Variants in FGF12 observed in about 807,000 individuals in gnomAD.
The protein encoded by FGF12 is fibroblast growth factor 12.
A neutral mutation model predicts 23.6 loss-of-function variants in FGF12; 14 were observed. That is an observed-to-expected ratio of 0.59 (90% CI 0.39 to 0.93). FGF12 has a LOEUF of 0.93. Among genes scored for constraint, FGF12 ranks in the 40% least tolerant of loss-of-function variants. The probability of loss-of-function intolerance (pLI) is 0.00; values close to 1 mark genes in which losing one functional copy is unlikely to be tolerated. For missense variants in FGF12, 175 were observed against 217.8 expected (o/e 0.80, Z 1.24); for synonymous variants, 62 against 77.3 (o/e 0.80, Z 1.04).
chr3:192,641,686 G>A (rs548744362), intron 2 of FGF12, among the ~76,000 whole-genome samples: 168 of 152,260 alleles, frequency 1.1e-3, no homozygotes, highest in Admixed American at 3.1e-3. Flanking sequence ...GATTACAGGC[G>A]TGAGCCACAG....
At chr3:192,484,872 T>C (rs1331632680) in intron 2 of FGF12, among the ~76,000 whole-genome samples, 1 of 152,220 alleles carries the variant, frequency 6.6e-6, no homozygotes, top group Non-Finnish European at 1.5e-5. Flanking sequence ...AAGACAACAA[T>C]GCATTTTCTA....
chr3:192,403,297 T>C (rs1560100937), intron 2 of FGF12, among the ~76,000 whole-genome samples: 1 of 152,240 alleles, frequency 6.6e-6, no homozygotes, highest in African/African-American at 2.4e-5. Flanking sequence ...ATTGTTTTTC[T>C]ACTTCTGTTC....
intron 4 of FGF12, among the ~76,000 whole-genome samples, chr3:192,202,352 T>C (rs1244088433): frequency 6.6e-6 from 1 of 152,208 alleles, no homozygotes; most frequent in Non-Finnish European, 1.5e-5. Context: ...ATGAGTACTT[T>C]GTCTACATGA....
At chr3:192,405,499 T>A (rs1210908667) in intron 2 of FGF12, among the ~76,000 whole-genome samples, 3 of 151,108 alleles carry the variant, frequency 2.0e-5, no homozygotes, top group Non-Finnish European at 4.4e-5. Flanking sequence ...AAATTCAGAG[T>A]GGAAATTCTT....
intron 4 of FGF12, among the ~76,000 whole-genome samples, chr3:192,263,270 T>C (rs949816376): frequency 2.8e-4 from 43 of 152,106 alleles, no homozygotes; most frequent in Non-Finnish European, 4.1e-4. Context: ...AACAATTATT[T>C]AGTATCAAGG....
At chr3:192,542,020 T>G (rs960482315) in intron 2 of FGF12, among the ~76,000 whole-genome samples, 4 of 147,460 alleles carry the variant, frequency 2.7e-5, no homozygotes, top group Non-Finnish European at 4.5e-5. Context: ...CACATCACCA[T>G]GCCTGGCATT....
intron 4 of FGF12, among the ~76,000 whole-genome samples, chr3:192,217,287 G>A (rs767758555): frequency 6.6e-6 from 1 of 152,168 alleles, no homozygotes; most frequent in Admixed American, 6.5e-5. Context: ...CTATATGAGC[G>A]TCTGCTGTTG....
intron 2 of FGF12, among the ~76,000 whole-genome samples, chr3:192,571,203 G>C (rs1712619614): frequency 6.6e-6 from 1 of 152,200 alleles, no homozygotes; most frequent in African/African-American, 2.4e-5. Flanking sequence ...TTTTCTCCTG[G>C]AAAGGCAACA....
chr3:192,633,988 C>A (rs1715490541), intron 2 of FGF12, among the ~76,000 whole-genome samples: 3 of 152,166 alleles, frequency 2.0e-5, no homozygotes, highest in Admixed American at 6.5e-5. Flanking sequence ...TCTGCATGCT[C>A]AAAATCCATT....
intron 2 of FGF12, among the ~76,000 whole-genome samples, chr3:192,642,354 C>T (rs1577094681): frequency 6.6e-6 from 1 of 152,134 alleles, no homozygotes; most frequent in African/African-American, 2.4e-5. Context: ...CCTGCCCTGA[C>T]CCCAGAACCC....
intron 4 of FGF12, among the ~76,000 whole-genome samples, chr3:192,171,582 T>C (rs1037887068): frequency 6.6e-6 from 1 of 152,162 alleles, no homozygotes; most frequent in African/African-American, 2.4e-5. Flanking sequence ...AAATGTATTG[T>C]GTGGAAGGAA....
chr3:192,578,528 G>T (rs1467682169), intron 2 of FGF12, among the ~76,000 whole-genome samples: 2 of 152,066 alleles, frequency 1.3e-5, no homozygotes, highest in Non-Finnish European at 2.9e-5. Context: ...TTAATTTCAT[G>T]GCAGTTTTGC....
At chr3:192,247,520 T>C (rs985735091) in intron 4 of FGF12, among the ~76,000 whole-genome samples, 8 of 152,162 alleles carry the variant, frequency 5.3e-5, no homozygotes, top group African/African-American at 1.9e-4. Flanking sequence ...CAAAAGAGCA[T>C]AAGGAGAGAA....
intron 2 of FGF12, among the ~76,000 whole-genome samples, chr3:192,559,898 C>A (rs1024878887): frequency 6.6e-6 from 1 of 152,022 alleles, no homozygotes; most frequent in Non-Finnish European, 1.5e-5. Context: ...ACCATTTTAA[C>A]CTAATTGATA....
rs1391056437 is a variant in FGF12, at chr3:192,311,923, G to GTCTA, written c.228+23437_228+23438insTAGA. ...AGTACATTTCACATTGCTATTGACT[G>GTCTA]TCTGTCTATCTATCTATCTATCTAT... On this transcript the variant is annotated intron_variant, in intron 4 of 5. Coordinates refer to ENST00000445105, the MANE Select transcript of FGF12 (RefSeq NM_004113.6). 6.7e-3 allele frequency among the ~76,000 whole-genome samples: 852 copies of GTCTA among 126,846 alleles called. 14 individuals carry two copies. The highest frequency in any genetic ancestry group is 0.025 in the African/African-American group (818 of 32,342). The allele number at this position is 126,846 out of a possible 152,430, so 83.2% of individuals were successfully genotyped here. A position where few individuals can be genotyped will look rare whatever the true frequency, so the allele number is the denominator to read the frequency against.
At chr3:192,239,830 C>A (rs1719506748) in intron 4 of FGF12, among the ~76,000 whole-genome samples, 1 of 152,218 alleles carries the variant, frequency 6.6e-6, no homozygotes, top group Non-Finnish European at 1.5e-5. Context: ...AGGTTGGGGA[C>A]TGTTGTGATA....
intron 4 of FGF12, among the ~76,000 whole-genome samples, chr3:192,275,197 T>C (rs1245132832): frequency 6.6e-6 from 1 of 151,142 alleles, no homozygotes; most frequent in East Asian, 1.9e-4. Flanking sequence ...CAAGATGGAG[T>C]CACTCATGCT....
Position 192,727,485 on chromosome 3 carries a change from T to C in FGF12, c.-132A>G. The C allele has an allele frequency of 1.6e-6, 1 of 642,426 alleles. No homozygotes were observed. Among genetic ancestry groups the C allele is most frequent in the Non-Finnish European group, 2.5e-6 (1 of 403,164 alleles). The allele number at this position is 642,426 out of a possible 1,614,324, so 39.8% of individuals were successfully genotyped here. Reference sequence around the variant, plus strand: ...AGATTTTTTTTTTTTTTTTTTTACCTGGGTCTGGAAGCTGCAGGCAGGAGC... The same window carrying C: ...AGATTTTTTTTTTTTTTTTTTTACCCGGGTCTGGAAGCTGCAGGCAGGAGC... On this transcript the variant is annotated splice_region_variant and 5_prime_UTR_variant, in exon 1 of 6. Coordinates refer to ENST00000445105, the MANE Select transcript of FGF12 (RefSeq NM_004113.6).
At chr3:192,571,226 A>C (rs1367746307) in intron 2 of FGF12, among the ~76,000 whole-genome samples, 1 of 152,260 alleles carries the variant, frequency 6.6e-6, no homozygotes, top group East Asian at 1.9e-4. Flanking sequence ...GACTTCGTGA[A>C]ATCGTTTTCT....
Sources: allele counts gnomAD v4.1 joint callset (sites outside exome capture counted in the v4.1 genomes callset), GRCh38; gene constraint gnomAD v4.1.1; transcripts MANE v1.5; gene names NCBI Gene and HGNC (gene_info 2026-07-23, HGNC 2026-07-21).